GLIS3: variants seen among roughly 807,000 people sequenced by gnomAD.
The protein encoded by GLIS3 is zinc finger protein GLIS3.
A neutral mutation model predicts 78.6 loss-of-function variants in GLIS3; 53 were observed. The ratio of observed to expected loss-of-function variants is 0.67; its 90% CI spans 0.54 to 0.85. The LOEUF (loss-of-function observed/expected upper bound fraction) is 0.85, where lower values mean the gene tolerates loss of function less well. Ranked by LOEUF, GLIS3 falls within the 40% of genes least tolerant of loss-of-function variation. The probability of loss-of-function intolerance (pLI) is 0.00; values close to 1 mark genes in which losing one functional copy is unlikely to be tolerated. For missense variants in GLIS3, 1,703 were observed against 1,231.1 expected, an observed-to-expected ratio of 1.38 and a Z score of -5.74; for synonymous variants, 684 against 509.9, an observed-to-expected ratio of 1.34 and a Z score of -4.60.
chr9:4,144,910 A>G (rs1422497289), intron 2 of GLIS3: 2 of 152,238 alleles, frequency 1.3e-5, no homozygotes, highest in African/African-American at 2.4e-5. Context: ...TACAAGAGTT[A>G]CTTGTTCTTC....
At chr9:4,300,865 C>T (rs1563923495), upstream of GLIS3, among the ~76,000 whole-genome samples, 1 of 152,002 alleles carries the variant, frequency 6.6e-6, no homozygotes, top group Non-Finnish European at 1.5e-5. Flanking sequence ...CACACAATAT[C>T]CTCCAGGTAG....
intron 4 of GLIS3, among the ~76,000 whole-genome samples, chr9:4,306,277 G>A (rs1817226611): frequency 6.6e-6 from 1 of 151,158 alleles, no homozygotes; most frequent in Admixed American, 6.7e-5. Context: ...GTCTCGCTAT[G>A]TTGCCCAGGC....
chr9:4,369,371 A>G, the GLIS3 span, among the ~76,000 whole-genome samples: 97 of 152,348 alleles, frequency 6.4e-4, no homozygotes, highest in South Asian at 4.6e-3. Flanking sequence ...CATCTGTAAA[A>G]TAAGAACAAT....
intron 4 of GLIS3, among the ~76,000 whole-genome samples, chr9:4,028,135 G>T (rs866952058): frequency 3.3e-5 from 5 of 152,150 alleles, no homozygotes; most frequent in African/African-American, 1.2e-4. Flanking sequence ...GTGCCATAGA[G>T]AATTTTGAAG....
chr9:4,048,300 G>A (rs761638708), intron 4 of GLIS3, among the ~76,000 whole-genome samples: 1 of 152,148 alleles, frequency 6.6e-6, no homozygotes, highest in Non-Finnish European at 1.5e-5. Flanking sequence ...AAGAAAACAT[G>A]TTTAGCAGAA....
chr9:4,450,549 G>C, the GLIS3 span, among the ~76,000 whole-genome samples: 1 of 152,266 alleles, frequency 6.6e-6, no homozygotes, highest in Admixed American at 6.5e-5. Context: ...ATAATTGTCA[G>C]ATTCACCAAG....
the GLIS3 span, among the ~76,000 whole-genome samples, chr9:4,465,989 A>C: frequency 6.6e-6 from 1 of 152,240 alleles, no homozygotes. Flanking sequence ...ACAGAAAAAC[A>C]ATACAGAAAA....
the GLIS3 span, among the ~76,000 whole-genome samples, chr9:4,467,088 G>C: frequency 6.6e-6 from 1 of 152,222 alleles, no homozygotes. Flanking sequence ...TGGGGGAGGG[G>C]CATCTGCCAT....
chr9:4,206,964 G>A (rs865848052), intron 2 of GLIS3, among the ~76,000 whole-genome samples: 6 of 152,224 alleles, frequency 3.9e-5, no homozygotes, highest in Middle Eastern at 3.4e-3. Flanking sequence ...TTGGACATTC[G>A]TACTCACTGA....
chr9:4,288,341 G>A (rs1249238418), intron 1 of GLIS3, among the ~76,000 whole-genome samples: 1 of 152,088 alleles, frequency 6.6e-6, no homozygotes, highest in Non-Finnish European at 1.5e-5. Flanking sequence ...CCAAAAAAAG[G>A]CAAAAGAAAT....
intron 2 of GLIS3, among the ~76,000 whole-genome samples, chr9:4,213,974 A>G (rs1023437423): frequency 3.9e-5 from 6 of 152,046 alleles, no homozygotes; most frequent in Non-Finnish European, 8.8e-5. Flanking sequence ...AAACAAAAAA[A>G]ATTTCAGAGA....
the GLIS3 span, among the ~76,000 whole-genome samples, chr9:4,451,915 C>T: frequency 7.0e-6 from 1 of 143,106 alleles, no homozygotes; most frequent in Non-Finnish European, 1.5e-5. Flanking sequence ...CTAAAACTGA[C>T]ATCCTCAATA....
At chr9:4,071,668 C>G (rs1389009255) in intron 4 of GLIS3, 1 of 152,154 alleles carries the variant, frequency 6.6e-6, no homozygotes, top group East Asian at 1.9e-4. Flanking sequence ...GGAGCTCTTA[C>G]TATTACATGT....
At chr9:4,358,090 G>A in the GLIS3 span, among the ~76,000 whole-genome samples, 5 of 152,150 alleles carry the variant, frequency 3.3e-5, no homozygotes, top group Non-Finnish European at 7.3e-5. Context: ...AGTGTGTACA[G>A]TATGTTCCCA....
At chr9:4,272,648 C>G (rs984410234) in intron 2 of GLIS3, among the ~76,000 whole-genome samples, 1 of 152,156 alleles carries the variant, frequency 6.6e-6, no homozygotes, top group African/African-American at 2.4e-5. Context: ...ATTTTCAACT[C>G]TAGAATAACC....
At chr9:3,995,165 G>A (rs1333122878) in intron 4 of GLIS3, among the ~76,000 whole-genome samples, 1 of 152,124 alleles carries the variant, frequency 6.6e-6, no homozygotes, top group Non-Finnish European at 1.5e-5. Flanking sequence ...TGGCAAAGAC[G>A]TCTTGGCTCT....
chr9:4,329,319 T>A (rs139180347), intron 2 of GLIS3, among the ~76,000 whole-genome samples: 1 of 152,214 alleles, frequency 6.6e-6, no homozygotes, highest in South Asian at 2.1e-4. Flanking sequence ...CTCACACTTT[T>A]CTCTGTTAGC....
At chr9:4,344,070 T>G (rs1030722469) in intron 2 of GLIS3, among the ~76,000 whole-genome samples, 1 of 152,088 alleles carries the variant, frequency 6.6e-6, no homozygotes, top group African/African-American at 2.4e-5. Context: ...AACCTAAAAC[T>G]CAGAAAGAAA....
intron 2 of GLIS3, among the ~76,000 whole-genome samples, chr9:4,194,596 G>C (rs951909983): frequency 1.3e-5 from 2 of 152,286 alleles, no homozygotes; most frequent in Non-Finnish European, 2.9e-5. Context: ...TTTAATTCAA[G>C]AAAGCAAATG....
Sources: gnomAD v4.1 joint callset for allele counts (sites outside exome capture counted in the v4.1 genomes callset) on GRCh38, gnomAD v4.1.1 for gene constraint, MANE v1.5 for transcripts, NCBI Gene and HGNC (gene_info 2026-07-23, HGNC 2026-07-21) for gene names.